The following UST variants were observed in gnomAD, a reference collection of about 807,000 sequenced individuals.
UST encodes uronyl 2-sulfotransferase, also known as chondroitin sulfate 2-O-sulfotransferase.
A neutral mutation model predicts 45.6 loss-of-function variants in UST; 21 were observed. The observed-to-expected ratio is 0.46, with a 90% CI of 0.33 to 0.66. The LOEUF (loss-of-function observed/expected upper bound fraction) is 0.66, where lower values mean the gene tolerates loss of function less well. UST is among the 30% of genes least tolerant of loss of function. The probability of loss-of-function intolerance (pLI) is 0.02; values close to 1 mark genes in which losing one functional copy is unlikely to be tolerated. For synonymous variants in UST, 215 were observed against 200.6 expected (o/e 1.07, Z -0.61); for missense variants, 463 against 512.4 (o/e 0.90, Z 0.93).
rs149878673 is a variant in UST at position 148,815,576 on chromosome 6, C to T, written c.247+67899C>T. On this transcript the variant is annotated intron_variant, in intron 1 of 7. Coordinates refer to ENST00000367463, the MANE Select transcript of UST (RefSeq NM_005715.3). ...ATTTGTTAACTGAAAAAATACATAC[C>T]ACATGGAAAAATCACCCTTTAATTT... Among the ~76,000 whole-genome samples, 56 of 152,042 alleles carry T rather than the reference C, an allele frequency of 3.7e-4. 1 individual carries two copies. Among genetic ancestry groups the T allele is most frequent in the African/African-American group, 1.3e-3 (55 of 41,496 alleles).
In UST at chr6:149,017,761, TAATA is replaced by T. The variant is rs1775924370; in HGVS notation, c.682-1371_682-1368del. Among the ~76,000 whole-genome samples, 3 of 151,092 alleles carry T rather than the reference TAATA, an allele frequency of 2.0e-5. 1 individual carries two copies. The highest frequency in any genetic ancestry group is 4.2e-4 in the South Asian group (2 of 4,774). On this transcript the variant is annotated intron_variant, in intron 5 of 7. Coordinates refer to ENST00000367463, the MANE Select transcript of UST (RefSeq NM_005715.3). ...ATGTAAATTCTGCCATATTTTGTTGTAATAAATAAACTCATTGCAGCAATGAATA... is the reference window on the plus strand; with the variant it reads ...ATGTAAATTCTGCCATATTTTGTTGTAATAAACTCATTGCAGCAATGAATA...
chr6:148,775,644 C>T (rs9498153), intron 1 of UST, among the ~76,000 whole-genome samples: 62,059 of 149,642 alleles, frequency 0.41, 13,011 homozygotes, highest in Non-Finnish European at 0.45. Flanking sequence ...TTTTTTGGGG[C>T]GGGGAGAGAG....
At chr6:149,020,643 C>T (rs1168865858) in intron 6 of UST, among the ~76,000 whole-genome samples, 1 of 152,052 alleles carries the variant, frequency 6.6e-6, no homozygotes, top group Admixed American at 6.6e-5. Flanking sequence ...AAAAGAGAAC[C>T]CTGGCTTGCC....
intron 5 of UST, among the ~76,000 whole-genome samples, chr6:149,008,224 G>A (rs930331245): frequency 4.6e-5 from 7 of 152,192 alleles, no homozygotes; most frequent in African/African-American, 1.7e-4. Context: ...ATTTTAACAT[G>A]TGAAAATGTT....
intron 1 of UST, among the ~76,000 whole-genome samples, chr6:148,826,037 G>C (rs1409035203): frequency 1.3e-5 from 2 of 152,190 alleles, no homozygotes; most frequent in Admixed American, 6.5e-5. Context: ...AATGAGTCAA[G>C]ATTGGGACCT....
chr6:148,887,830 A>T (rs1413085029), intron 2 of UST, among the ~76,000 whole-genome samples: 2 of 152,110 alleles, frequency 1.3e-5, no homozygotes, highest in African/African-American at 4.8e-5. Context: ...CACTTCAAGA[A>T]TGTTCTTTCT....
rs1391091880 is a variant in UST at position 148,768,642 on chromosome 6, CAAT to C, written c.247+20966_247+20968del. ...TATTTTGGTGTAAAGTAAATTAACT[CAAT>C]GATACTGCATGTCTGTCTGGAAACA... is the stretch of plus-strand genomic sequence containing the variant. On this transcript the variant is annotated intron_variant, in intron 1 of 7. Transcript: ENST00000367463. Among the ~76,000 whole-genome samples the C allele has an allele frequency of 5.3e-5, 8 of 152,210 alleles. No homozygotes were observed. In the South Asian group the frequency reaches 1.2e-3, roughly 24 times the overall value.
At chr6:149,004,707 A>G (rs1372896367) in intron 5 of UST, among the ~76,000 whole-genome samples, 2 of 152,230 alleles carry the variant, frequency 1.3e-5, no homozygotes, top group Non-Finnish European at 2.9e-5. Context: ...AGGCTCAGAT[A>G]CAGGCAGCAA....
At chr6:148,839,949 T>C (rs1562273560) in intron 1 of UST, among the ~76,000 whole-genome samples, 1 of 152,202 alleles carries the variant, frequency 6.6e-6, no homozygotes, top group Non-Finnish European at 1.5e-5. Flanking sequence ...TAGAGCTTTT[T>C]TCATAGTACC....
intron 1 of UST, among the ~76,000 whole-genome samples, chr6:148,834,074 A>G (rs1777742183): frequency 6.6e-6 from 1 of 152,186 alleles, no homozygotes; most frequent in Admixed American, 6.5e-5. Flanking sequence ...AATTTTTTCC[A>G]TTTATTGTCT....
chr6:148,901,936 G>T lies in UST; in HGVS notation c.291+14907G>T, dbSNP rs1034505946. 2.4e-4 allele frequency among the ~76,000 whole-genome samples: 37 copies of T among 152,296 alleles called. 1 individual carries two copies. Among genetic ancestry groups the T allele is most frequent in the Admixed American group, 2.4e-3 (37 of 15,304 alleles). On this transcript the variant is annotated intron_variant, in intron 2 of 7. Coordinates refer to ENST00000367463, the MANE Select transcript of UST (RefSeq NM_005715.3). ...CCACTTAACTGACAGAGGGCTGCAA[G>T]ATAGAGCATATGAATACTCTGAGCA...
Position 148,934,171 on chromosome 6 carries a change from GGCTTCTAGC to G in UST, c.292-7107_292-7099del, listed in dbSNP as rs1198192209. ...TGGGGCTCAAGGGTGTGAAGTGACT[GGCTTCTAGC>G]ACCACAGTGTCCTAGGAACTTTAAC... On this transcript the variant is annotated intron_variant, in intron 2 of 7. Coordinates refer to ENST00000367463, the MANE Select transcript of UST (RefSeq NM_005715.3). This position sits in a 1 kb window ranked among gnomAD's most constrained non-coding sequence, Gnocchi z 4.1. Among the ~76,000 whole-genome samples, 2 of 152,136 alleles carry G rather than the reference GGCTTCTAGC, an allele frequency of 1.3e-5. No homozygotes were observed. Among genetic ancestry groups the G allele is most frequent in the Non-Finnish European group, 2.9e-5 (2 of 68,020 alleles).
intron 1 of UST, among the ~76,000 whole-genome samples, chr6:148,877,418 TCGTGTATGAGTGC>T (rs1283356216): frequency 3.5e-3 from 25 of 7,212 alleles, no homozygotes; most frequent in African/African-American, 0.017. Flanking sequence ...AGTGCGGGGG[TCGTGTATGAGTGC>T]GGGGGATCGC....
rs149188642 is a variant in UST at position 148,929,476 on chromosome 6, A to G, written c.292-11803A>G. Among the ~76,000 whole-genome samples the G allele has an allele frequency of 9.0e-4, 137 of 152,274 alleles. 2 individuals carry two copies. In the East Asian group the frequency reaches 0.021, roughly 23 times the overall value. On this transcript the variant is annotated intron_variant, in intron 2 of 7. Coordinates refer to ENST00000367463, the MANE Select transcript of UST (RefSeq NM_005715.3). ...CCCAGACTTTGTAATTCTGCATGGG[A>G]TGGCTGGAACTGCAGCAGCCATCAT...
intron 1 of UST, among the ~76,000 whole-genome samples, chr6:148,780,180 C>G (rs1776617412): frequency 6.6e-6 from 1 of 151,906 alleles, no homozygotes; most frequent in Non-Finnish European, 1.5e-5. Context: ...TTGTGGTTCA[C>G]TGTATTGTAC....
chr6:148,972,653 C>T (rs913635875), intron 5 of UST, among the ~76,000 whole-genome samples: 1 of 152,260 alleles, frequency 6.6e-6, no homozygotes, highest in Non-Finnish European at 1.5e-5. Context: ...GTCAGCTGAG[C>T]TCATCTGCTG....
At chr6:148,931,111 C>T (rs771557524) in intron 2 of UST, among the ~76,000 whole-genome samples, 1 of 152,232 alleles carries the variant, frequency 6.6e-6, no homozygotes, top group African/African-American at 2.4e-5. Flanking sequence ...ACTCTTTCCC[C>T]ACTAACATCC....
chr6:149,034,645 G>T (rs1293068727), intron 7 of UST, among the ~76,000 whole-genome samples: 1 of 151,768 alleles, frequency 6.6e-6, no homozygotes, highest in African/African-American at 2.4e-5. Flanking sequence ...TTCTCAGTTG[G>T]GTCCAGTTTT....
At chr6:148,794,720 G>T (rs1166229785) in intron 1 of UST, among the ~76,000 whole-genome samples, 2 of 152,200 alleles carry the variant, frequency 1.3e-5, no homozygotes, top group African/African-American at 4.8e-5. Flanking sequence ...ACATCGGGTG[G>T]AATAACAAAC....
Sources: allele counts gnomAD v4.1 joint callset (sites outside exome capture counted in the v4.1 genomes callset), GRCh38; gene constraint gnomAD v4.1.1; non-coding constraint Gnocchi (gnomAD v3.1); transcripts MANE v1.5; gene names NCBI Gene and HGNC (gene_info 2026-07-23, HGNC 2026-07-21).